The following NCOR2 variants were observed in gnomAD, a reference collection of about 807,000 sequenced individuals.
The protein encoded by NCOR2 is nuclear receptor corepressor 2.
Under a neutral mutation model 262.9 loss-of-function variants are expected in NCOR2, and 81 were observed. The ratio of observed to expected loss-of-function variants is 0.31; its 90% CI spans 0.26 to 0.37. The LOEUF is 0.37. Among genes scored for constraint, NCOR2 ranks in the 10% least tolerant of loss-of-function variants. NCOR2 has a pLI of 1.00. For synonymous variants in NCOR2, 1,659 were observed against 1,559.3 expected (o/e 1.06, Z -1.51); for missense variants, 3,385 against 3,621.4 (o/e 0.93, Z 1.68).
At position 124,362,165 on chromosome 12, in the gene NCOR2, C is replaced by T. The variant is rs770789988; in HGVS notation, c.3061G>A (p.Gly1021Ser). The T allele has an allele frequency of 9.2e-6, 12 of 1,308,350 alleles. No homozygotes were observed. Among genetic ancestry groups the T allele is most frequent in the Non-Finnish European group, 1.1e-5 (11 of 1,028,490 alleles). 81.0% of individuals were successfully genotyped at this position (1,308,350 alleles called of 1,614,324 possible). The change falls in exon 22 of 47, where the codon GGC (glycine) becomes AGC (serine). Residue 1021 changes from glycine to serine, a missense_variant. By Grantham distance (56) the Gly-to-Ser change is moderately conservative (BLOSUM62 0). Around this residue, in one of 5 missense-constraint regions of NCOR2, gnomAD observed 1,615 missense variants for 1,626.9 expected, o/e 0.99. Coordinates refer to ENST00000405201, the Ensembl canonical transcript of NCOR2. Reference sequence around the variant, plus strand: ...GGGGGTGCCGGGCTCCTGCTCTTGCCCCGGGGGCTGCTGCCAGGCTGCTGA... The same window carrying T: ...GGGGGTGCCGGGCTCCTGCTCTTGCTCCGGGGGCTGCTGCCAGGCTGCTGA...
rs2047545349 is a variant in NCOR2, at chr12:124,482,445, G to A, written c.411+1151C>T. ...TCCTCTCTCCCCGAGAGAAGGCCGA[G>A]TCTGGCCCAGGTGGCCTGGCCCCGC... On this transcript the variant is annotated intron_variant, in intron 3 of 46. Coordinates refer to ENST00000405201, the Ensembl canonical transcript of NCOR2. The surrounding 1 kb of genome is among the most constrained non-coding windows in gnomAD (Gnocchi z 6.3). 6.6e-6 allele frequency among the ~76,000 whole-genome samples: 1 copy of A among 152,172 alleles called. No homozygotes were observed. The highest frequency in any genetic ancestry group is 2.4e-5 in the African/African-American group (1 of 41,438).
chr12:124,428,777 TGTGCTGA>T (rs986366072), intron 10 of NCOR2, among the ~76,000 whole-genome samples: 1 of 152,224 alleles, frequency 6.6e-6, no homozygotes, highest in Non-Finnish European at 1.5e-5. Context: ...GTGGCTCTGC[TGTGCTGA>T]GCTAAAGGGC....
At chr12:124,397,035 C>T (rs1593363009) in intron 16 of NCOR2, among the ~76,000 whole-genome samples, 1 of 152,338 alleles carries the variant, frequency 6.6e-6, no homozygotes, top group East Asian at 1.9e-4. Flanking sequence ...CCCAGCCCCA[C>T]ACACCAGCTC....
intron 1 of NCOR2, among the ~76,000 whole-genome samples, chr12:124,529,202 A>AC (rs2050654838): frequency 1.4e-5 from 2 of 143,548 alleles, no homozygotes; most frequent in African/African-American, 5.2e-5. Context: ...AAAAAAAAAA[A>AC]CACTCACTAA....
intron 20 of NCOR2, among the ~76,000 whole-genome samples, chr12:124,364,750 G>C (rs1332411487): frequency 6.6e-6 from 1 of 152,236 alleles, no homozygotes; most frequent in Non-Finnish European, 1.5e-5. Flanking sequence ...AACTGGATCT[G>C]CTCCAGCCTG....
chr12:124,443,267 CTG>C lies in NCOR2; in HGVS notation c.816-5273_816-5272del, dbSNP rs2044939828. On this transcript the variant is annotated intron_variant, in intron 7 of 46. Transcript: ENST00000405201. The surrounding 1 kb of genome is among the most constrained non-coding windows in gnomAD (Gnocchi z 4.4). ...GTGGTGGTGATGTGCATGCAGCCGT[CTG>C]TTTGCCACCGATGGGCAGCAACTGA... is the stretch of plus-strand genomic sequence containing the variant. Among the ~76,000 whole-genome samples, 1 of 152,222 alleles carries C rather than the reference CTG, an allele frequency of 6.6e-6. No individual in the cohort carries two copies.
chr12:124,356,607 G>A, intron 23 of NCOR2, 35 bp downstream of exon 25: 3 of 1,415,110 alleles, frequency 2.1e-6, no homozygotes, highest in South Asian at 1.8e-5. Flanking sequence ...TTGTGCACTG[G>A]CTGAAGAAGC....
intron 11 of NCOR2, among the ~76,000 whole-genome samples, chr12:124,423,669 C>T (rs1021426550): frequency 1.3e-5 from 2 of 152,196 alleles, no homozygotes; most frequent in Non-Finnish European, 2.9e-5. Context: ...CATTTCCTTC[C>T]CTGCAAACCC....
intron 8 of NCOR2, among the ~76,000 whole-genome samples, chr12:124,433,075 C>T (rs2044065426): frequency 6.6e-6 from 1 of 152,208 alleles, no homozygotes; most frequent in Admixed American, 6.5e-5. Context: ...AGCTGCTGAC[C>T]AAGGGCAAGC....
At chr12:124,491,536 AAC>A (rs2136874470) in intron 1 of NCOR2, among the ~76,000 whole-genome samples, 1 of 152,250 alleles carries the variant, frequency 6.6e-6, no homozygotes, top group South Asian at 2.1e-4. Flanking sequence ...GAGGTTAAGT[AAC>A]TTGCCCAAGG....
chr12:124,539,127 C>T (rs1434093755), upstream of NCOR2: 2 of 152,296 alleles, frequency 1.3e-5, no homozygotes, highest in Non-Finnish European at 2.9e-5. This position sits in a 1 kb window ranked among gnomAD's most constrained non-coding sequence, Gnocchi z 5.1. Context: ...CCCCACGCCT[C>T]CCCGGCAGAG....
intron 17 of NCOR2, among the ~76,000 whole-genome samples, chr12:124,381,965 G>A (rs905602370): frequency 6.6e-5 from 10 of 152,228 alleles, no homozygotes; most frequent in East Asian, 3.8e-4. Flanking sequence ...TGCTGACGTC[G>A]CCTGCGGCCA....
chr12:124,447,161 C>G (rs34346265), intron 7 of NCOR2, among the ~76,000 whole-genome samples: 1 of 152,214 alleles, frequency 6.6e-6, no homozygotes, highest in Non-Finnish European at 1.5e-5. Context: ...GTTATCTGCC[C>G]GCCTCGGCCT....
intron 1 of NCOR2, among the ~76,000 whole-genome samples, chr12:124,532,782 T>C (rs1044566323): frequency 6.6e-6 from 1 of 152,076 alleles, no homozygotes; most frequent in African/African-American, 2.4e-5. Flanking sequence ...CAGGCCGCTT[T>C]CCTTCCAACT....
upstream of NCOR2, among the ~76,000 whole-genome samples, chr12:124,539,846 C>T (rs1380562380): frequency 6.6e-6 from 1 of 152,302 alleles, no homozygotes; most frequent in East Asian, 1.9e-4. The surrounding 1 kb of genome is among the most constrained non-coding windows in gnomAD (Gnocchi z 5.1). Flanking sequence ...AGGAAGCCCG[C>T]CTGGCTCACC....
chr12:124,381,940 C>A (rs777465208), intron 17 of NCOR2, among the ~76,000 whole-genome samples: 2 of 152,242 alleles, frequency 1.3e-5, no homozygotes, highest in Non-Finnish European at 1.5e-5. Flanking sequence ...CGCCCGGCCG[C>A]CGGATCCTGC....
At chr12:124,408,278 C>T (rs1241729624) in intron 13 of NCOR2, among the ~76,000 whole-genome samples, 1 of 151,444 alleles carries the variant, frequency 6.6e-6, no homozygotes, top group African/African-American at 2.4e-5. Context: ...GGTGTGAACC[C>T]GGGAGGCGGA....
At chr12:124,452,316 AT>A (rs2136518424) in intron 6 of NCOR2, among the ~76,000 whole-genome samples, 1 of 152,330 alleles carries the variant, frequency 6.6e-6, no homozygotes, top group South Asian at 2.1e-4. Flanking sequence ...TGGCTCCTTT[AT>A]GTTCCCCACA....
intron 13 of NCOR2, among the ~76,000 whole-genome samples, chr12:124,405,150 G>A (rs536226030): frequency 6.6e-6 from 1 of 152,148 alleles, no homozygotes; most frequent in Non-Finnish European, 1.5e-5. Flanking sequence ...GCCAGGGCCT[G>A]CCCACAACCC....
Sources: allele counts gnomAD v4.1 joint callset (sites outside exome capture counted in the v4.1 genomes callset), GRCh38; gene constraint gnomAD v4.1.1; regional missense constraint gnomAD v4.1.1; non-coding constraint Gnocchi (gnomAD v3.1); transcripts MANE v1.5; gene names NCBI Gene and HGNC (gene_info 2026-07-23, HGNC 2026-07-21).